Variants in TTBK2 observed in about 807,000 individuals in gnomAD.
TTBK2 encodes tau tubulin kinase 2, also known as tau-tubulin kinase 2.
A neutral mutation model predicts 110.8 loss-of-function variants in TTBK2; 28 were observed. The ratio of observed to expected loss-of-function variants is 0.25; its 90% confidence interval spans 0.19 to 0.35. The LOEUF (loss-of-function observed/expected upper bound fraction) is 0.35, where lower values mean the gene tolerates loss of function less well. TTBK2 is among the 10% of genes least tolerant of loss of function. TTBK2 has a pLI of 1.00. For missense variants in TTBK2, 1,369 were observed against 1,500.3 expected (o/e 0.91, Z 1.45); for synonymous variants, 532 against 527.3 (o/e 1.01, Z -0.12).
At chr15:42,790,276 T>C (rs1378862775) in intron 10 of TTBK2, among the ~76,000 whole-genome samples, 1 of 140,608 alleles carries the variant, frequency 7.1e-6, no homozygotes, top group African/African-American at 2.6e-5. Context: ...CTACAAGATG[T>C]ATTCTTTGTC....
At chr15:42,749,242 G>T (rs1280041533) in intron 14 of TTBK2, among the ~76,000 whole-genome samples, 1 of 152,200 alleles carries the variant, frequency 6.6e-6, no homozygotes, top group East Asian at 1.9e-4. Flanking sequence ...AATTAACCTG[G>T]ATCAGAGAAG....
chr15:42,769,131 C>A (rs187593999), intron 13 of TTBK2, among the ~76,000 whole-genome samples: 1,727 of 152,240 alleles, frequency 0.011, 34 homozygotes, highest in African/African-American at 0.039. Context: ...TAAAGACTTA[C>A]ATGTTAGACC....
At chr15:42,855,488 G>C (rs113290875) in intron 3 of TTBK2, among the ~76,000 whole-genome samples, 2 of 152,134 alleles carry the variant, frequency 1.3e-5, no homozygotes, top group African/African-American at 4.8e-5. Context: ...AAGAATACTG[G>C]AGTTATACAA....
At chr15:42,897,045 A>G (rs915366651) in intron 1 of TTBK2, among the ~76,000 whole-genome samples, 3 of 151,722 alleles carry the variant, frequency 2.0e-5, no homozygotes, top group African/African-American at 7.3e-5. Context: ...CACCTGGCTA[A>G]TTTTTGTATT....
chr15:42,838,163 G>A (rs1315949568), intron 4 of TTBK2, among the ~76,000 whole-genome samples: 3 of 152,158 alleles, frequency 2.0e-5, no homozygotes, highest in East Asian at 1.9e-4. Flanking sequence ...AGCCGAGATC[G>A]CGCCATTGCA....
At chr15:42,780,532 G>A (rs1158299618) in intron 11 of TTBK2, among the ~76,000 whole-genome samples, 1 of 151,714 alleles carries the variant, frequency 6.6e-6, no homozygotes, top group African/African-American at 2.4e-5. Context: ...CAAGAGAACA[G>A]AATTAGAATG....
intron 11 of TTBK2, among the ~76,000 whole-genome samples, chr15:42,778,422 T>C (rs1890028406): frequency 6.6e-6 from 1 of 151,998 alleles, no homozygotes; most frequent in African/African-American, 2.4e-5. Flanking sequence ...CCCCAGCACT[T>C]TCGGAAGCCA....
At chr15:42,839,910 A>G (rs1327787012) in intron 4 of TTBK2, among the ~76,000 whole-genome samples, 1 of 152,210 alleles carries the variant, frequency 6.6e-6, no homozygotes, top group Non-Finnish European at 1.5e-5. Flanking sequence ...CCCTTGCAAG[A>G]TATGGGTCCC....
chr15:42,849,995 G>GC (rs1893630527), intron 3 of TTBK2, among the ~76,000 whole-genome samples: 1 of 151,960 alleles, frequency 6.6e-6, no homozygotes, highest in South Asian at 2.1e-4. Flanking sequence ...CCATGACTGT[G>GC]CCCACATCAG....
At chr15:42,776,838 T>C (rs879423026) in intron 12 of TTBK2, 193 bp downstream of exon 12, 3 of 634,620 alleles carry the variant, frequency 4.7e-6, no homozygotes, top group Non-Finnish European at 8.0e-6. Flanking sequence ...TTTATAATAA[T>C]TAAGAATCAG....
chr15:42,854,145 C>T (rs980903023), intron 3 of TTBK2, among the ~76,000 whole-genome samples: 5 of 152,004 alleles, frequency 3.3e-5, no homozygotes, highest in Admixed American at 6.6e-5. Context: ...GCTATGCTGC[C>T]CAGGCCGATC....
At chr15:42,817,211 A>T (rs1211700154) in intron 6 of TTBK2, 114 bp from the exon 7 acceptor site, 5 of 597,552 alleles carry the variant, frequency 8.4e-6, no homozygotes, top group Non-Finnish European at 1.3e-5. Flanking sequence ...ACAATAAAAC[A>T]CTATTTAATT....
intron 7 of TTBK2, among the ~76,000 whole-genome samples, chr15:42,816,020 T>C: frequency 8.8e-6 from 1 of 114,220 alleles, no homozygotes; most frequent in African/African-American, 3.8e-5. Context: ...GGAAGAGATG[T>C]TCAATCTCTT....
intron 13 of TTBK2, among the ~76,000 whole-genome samples, chr15:42,767,365 A>G (rs545483355): frequency 6.6e-6 from 1 of 152,340 alleles, no homozygotes; most frequent in East Asian, 1.9e-4. Context: ...AAAGACCGCT[A>G]GCAAGACTAA....
intron 13 of TTBK2, among the ~76,000 whole-genome samples, chr15:42,762,902 G>A (rs780349139): frequency 5.3e-5 from 8 of 150,438 alleles, no homozygotes; most frequent in Non-Finnish European, 1.0e-4. Context: ...AATATATGAG[G>A]AAGCTAAAAA....
At chr15:42,901,431 C>A (rs531683828) in intron 1 of TTBK2, among the ~76,000 whole-genome samples, 40 of 151,656 alleles carry the variant, frequency 2.6e-4, no homozygotes, top group African/African-American at 9.7e-4. Flanking sequence ...ACAATAATTT[C>A]TTGGATATAA....
chr15:42,821,702 T>G (rs1327875079), intron 6 of TTBK2, among the ~76,000 whole-genome samples: 3 of 151,218 alleles, frequency 2.0e-5, no homozygotes, highest in Non-Finnish European at 4.4e-5. Flanking sequence ...TTTTTGTTTT[T>G]TTTTTTGAGA....
At chr15:42,823,020 T>A (rs1892372000) in intron 6 of TTBK2, among the ~76,000 whole-genome samples, 1 of 152,308 alleles carries the variant, frequency 6.6e-6, no homozygotes, top group Middle Eastern at 3.4e-3. Flanking sequence ...AGGAGAACTA[T>A]GTAATACAAC....
chr15:42,754,061 GT>G (rs1326955385), intron 13 of TTBK2, among the ~76,000 whole-genome samples: 1 of 148,492 alleles, frequency 6.7e-6, no homozygotes, highest in East Asian at 1.9e-4. Context: ...ATTTACTAAT[GT>G]TTCATGATTT....
Sources: allele counts gnomAD v4.1 joint callset (sites outside exome capture counted in the v4.1 genomes callset), GRCh38; gene constraint gnomAD v4.1.1; transcripts MANE v1.5; gene names NCBI Gene and HGNC (gene_info 2026-07-23, HGNC 2026-07-21).